The following TENM4 variants were observed in gnomAD, a reference collection of about 807,000 sequenced individuals.
TENM4 encodes the protein teneurin-4.
A neutral mutation model predicts 243.3 loss-of-function variants in TENM4; 82 were observed. That is an observed-to-expected ratio of 0.34 (90% CI 0.28 to 0.40). TENM4 has a LOEUF of 0.40. Ranked by LOEUF, TENM4 falls within the 10% of genes least tolerant of loss-of-function variation. The pLI, the probability that TENM4 is intolerant of heterozygous loss-of-function variation, is 1.00. For missense variants in TENM4, 3,138 were observed against 3,673.3 expected (o/e 0.85, Z 3.77); for synonymous variants, 1,412 against 1,456.3 (o/e 0.97, Z 0.69).
At chr11:78,789,737 T>C (rs1857015876) in intron 15 of TENM4, among the ~76,000 whole-genome samples, 1 of 152,198 alleles carries the variant, frequency 6.6e-6, no homozygotes, top group South Asian at 2.1e-4. Context: ...GCAGAGCACA[T>C]GGAGCCCATC....
chr11:78,837,946 C>G (rs1296465490), intron 12 of TENM4, among the ~76,000 whole-genome samples: 3 of 152,042 alleles, frequency 2.0e-5, no homozygotes, highest in Admixed American at 1.3e-4. Flanking sequence ...TGGTTTATTT[C>G]TTTAAGAGAT....
chr11:79,248,517 G>A (rs1044701955), intron 2 of TENM4, among the ~76,000 whole-genome samples: 42 of 152,104 alleles, frequency 2.8e-4, no homozygotes, highest in African/African-American at 1.0e-3. Flanking sequence ...AACTGTGTCG[G>A]TAATTTCATC....
intron 1 of TENM4, among the ~76,000 whole-genome samples, chr11:79,346,217 A>G (rs1335353540): frequency 6.6e-6 from 1 of 152,130 alleles, no homozygotes; most frequent in Non-Finnish European, 1.5e-5. Context: ...GATGAATACA[A>G]ATGCCATTTG....
chr11:78,926,835 G>A (rs191818469), intron 6 of TENM4, among the ~76,000 whole-genome samples: 9 of 152,196 alleles, frequency 5.9e-5, no homozygotes, highest in Admixed American at 5.9e-4. Flanking sequence ...CAGTGATTAG[G>A]AGAACCATCT....
intron 1 of TENM4, among the ~76,000 whole-genome samples, chr11:79,299,597 A>G (rs1856518246): frequency 6.6e-6 from 1 of 152,230 alleles, no homozygotes; most frequent in Non-Finnish European, 1.5e-5. Context: ...CATAATTTCT[A>G]AAACCACATT....
At chr11:79,335,539 G>A (rs1221146397) in intron 1 of TENM4, among the ~76,000 whole-genome samples, 1 of 152,184 alleles carries the variant, frequency 6.6e-6, no homozygotes, top group East Asian at 1.9e-4. Context: ...AGCTTAGGGG[G>A]AAAGGCAAAG....
At chr11:78,867,504 G>C (rs552099424) in intron 9 of TENM4, among the ~76,000 whole-genome samples, 1 of 152,198 alleles carries the variant, frequency 6.6e-6, no homozygotes, top group Non-Finnish European at 1.5e-5. Flanking sequence ...GAGGGGGAGA[G>C]GGAAGGGAGA....
intron 1 of TENM4, among the ~76,000 whole-genome samples, chr11:79,312,963 A>G (rs1395167378): frequency 6.6e-6 from 1 of 152,156 alleles, no homozygotes; most frequent in African/African-American, 2.4e-5. Context: ...TTCCATCAGG[A>G]TTCGCTGCCC....
At chr11:78,788,016 G>A (rs1280405453) in intron 15 of TENM4, among the ~76,000 whole-genome samples, 5 of 152,234 alleles carry the variant, frequency 3.3e-5, no homozygotes, top group Non-Finnish European at 7.3e-5. Context: ...CTGAGGGAGA[G>A]AGACTGACTT....
intron 1 of TENM4, among the ~76,000 whole-genome samples, chr11:79,304,015 G>C (rs1180377983): frequency 1.3e-5 from 2 of 152,188 alleles, no homozygotes; most frequent in Non-Finnish European, 2.9e-5. Flanking sequence ...AATGGAATAT[G>C]AGATAGCCTG....
intron 2 of TENM4, among the ~76,000 whole-genome samples, chr11:79,241,489 TC>T (rs1417741643): frequency 6.6e-6 from 1 of 152,092 alleles, no homozygotes; most frequent in Non-Finnish European, 1.5e-5. Context: ...TCAGGCTCAC[TC>T]CCAAAATCAT....
rs1036006807 is a variant in TENM4 at position 78,658,028 on chromosome 11, T to C, written c.*30A>G. ...GTATGCGGCCACAAAAGAGTAGCTGTCTTTGGCAAGAAGTCCTTGGTCCTC... is the reference window on the plus strand; with the variant it reads ...GTATGCGGCCACAAAAGAGTAGCTGCCTTTGGCAAGAAGTCCTTGGTCCTC... On this transcript the variant is annotated 3_prime_UTR_variant, in exon 34 of 34. Coordinates refer to ENST00000278550, the MANE Select transcript of TENM4 (RefSeq NM_001098816.3). The C allele has an allele frequency of 6.2e-7, 1 of 1,610,228 alleles. No homozygotes were observed. The highest frequency in any genetic ancestry group is 1.3e-5 in the African/African-American group (1 of 74,564).
At chr11:78,804,375 AG>A (rs2136082728) in intron 15 of TENM4, among the ~76,000 whole-genome samples, 1 of 152,270 alleles carries the variant, frequency 6.6e-6, no homozygotes, top group East Asian at 1.9e-4. Flanking sequence ...GGTATACTGT[AG>A]GGGCTCAGTA....
intron 1 of TENM4, among the ~76,000 whole-genome samples, chr11:79,362,849 G>C (rs750163706): frequency 6.6e-6 from 1 of 152,240 alleles, no homozygotes; most frequent in African/African-American, 2.4e-5. Flanking sequence ...TTACAAATAC[G>C]TAGCAGTCAA....
chr11:78,935,070 G>GGT (rs1856755499), intron 6 of TENM4, among the ~76,000 whole-genome samples: 1 of 137,996 alleles, frequency 7.2e-6, no homozygotes, highest in African/African-American at 2.8e-5. Context: ...GGACTGCAGT[G>GGT]GCGCAATCTC....
Position 78,732,544 on chromosome 11 carries a change from G to A in TENM4, c.2910C>T (p.Ile970=), listed in dbSNP as rs972960873. 2 of 1,608,092 alleles carry A rather than the reference G, an allele frequency of 1.2e-6. No homozygotes were observed. Among genetic ancestry groups the A allele is most frequent in the Middle Eastern group, 1.7e-4 (1 of 5,964 alleles). ...AAGGTGCCCGCTCGAACCGCAGGAT[G>A]ATGGAGATGCCGCCATTTGTCACCA... The part of the protein sequence containing the change: ...FDLVTNGGIS[I]ILRFERAPFI... Residue 970 remains isoleucine, a synonymous_variant, in exon 21 of 34, where the codon ATC becomes ATT. Coordinates refer to ENST00000278550, the MANE Select transcript of TENM4 (RefSeq NM_001098816.3).
intron 6 of TENM4, among the ~76,000 whole-genome samples, chr11:78,970,987 A>G (rs1005851501): frequency 6.6e-6 from 1 of 151,992 alleles, no homozygotes; most frequent in Non-Finnish European, 1.5e-5. Flanking sequence ...ATTAGCATAT[A>G]TAGTTCTTTT....
chr11:79,268,121 G>T (rs1429930870), intron 2 of TENM4, among the ~76,000 whole-genome samples: 2 of 152,180 alleles, frequency 1.3e-5, no homozygotes, highest in Non-Finnish European at 2.9e-5. Flanking sequence ...CTGGTATTGA[G>T]ACAAGAGAGA....
rs1856955881 is a variant in TENM4 at position 78,787,098 on chromosome 11, A to G, written c.2180-15T>C. The G allele has an allele frequency of 1.3e-6, 2 of 1,531,662 alleles. No individual in the cohort carries two copies. Among genetic ancestry groups the G allele is most frequent in the Non-Finnish European group, 8.8e-7 (1 of 1,134,120 alleles). The allele number at this position is 1,531,662 out of a possible 1,614,324, so 94.9% of individuals were successfully genotyped here. A position where few individuals can be genotyped will look rare whatever the true frequency, so the allele number is the denominator to read the frequency against. On this transcript the variant is annotated splice_polypyrimidine_tract_variant and intron_variant, in intron 15 of 33. Coordinates refer to ENST00000278550, the MANE Select transcript of TENM4 (RefSeq NM_001098816.3). ...AGCACAGATCTCTGTGGGGAGGAGC[A>G]GAAGAAGGGAGGACACCAGGGCCAG...
Sources: allele counts gnomAD v4.1 joint callset (sites outside exome capture counted in the v4.1 genomes callset), GRCh38; gene constraint gnomAD v4.1.1; transcripts MANE v1.5; gene names NCBI Gene and HGNC (gene_info 2026-07-23, HGNC 2026-07-21).